The following SMPD3 variants were observed in gnomAD, a reference collection of about 807,000 sequenced individuals.
SMPD3 encodes sphingomyelin phosphodiesterase 3.
A neutral mutation model predicts 55.7 loss-of-function variants in SMPD3; 21 were observed. That is an observed-to-expected ratio of 0.38 (90% confidence interval 0.27 to 0.54). The LOEUF (loss-of-function observed/expected upper bound fraction) is 0.54, where lower values mean the gene tolerates loss of function less well. SMPD3 is among the 20% of genes least tolerant of loss of function. The pLI, the probability that SMPD3 is intolerant of heterozygous loss-of-function variation, is 0.80. For synonymous variants in SMPD3, 457 were observed against 404.3 expected, an observed-to-expected ratio of 1.13 and a Z score of -1.56; for missense variants, 842 against 899.6, an observed-to-expected ratio of 0.94 and a Z score of 0.82.
intron 1 of SMPD3, among the ~76,000 whole-genome samples, chr16:68,446,624 C>A (rs951332447): frequency 3.7e-4 from 56 of 152,308 alleles, no homozygotes; most frequent in Middle Eastern, 3.4e-3. Context: ...CTGACCCACA[C>A]CATCATCCAT....
At chr16:68,400,751 T>C (rs557911392) in intron 1 of SMPD3, among the ~76,000 whole-genome samples, 5 of 152,316 alleles carry the variant, frequency 3.3e-5, no homozygotes, top group African/African-American at 7.2e-5. Context: ...CCTAGACACC[T>C]GGAACACTGC....
chr16:68,411,206 A>G (rs909850497), intron 1 of SMPD3, among the ~76,000 whole-genome samples: 3 of 152,216 alleles, frequency 2.0e-5, no homozygotes, highest in African/African-American at 7.2e-5. Context: ...CCCCAACCTC[A>G]GGCCCAGGCC....
rs200106078 is a variant in SMPD3, at chr16:68,371,606, G to A, written c.576C>T (p.Gly192=). 4.7e-5 allele frequency: 73 copies of A among 1,566,484 alleles called. No homozygotes were observed. Among genetic ancestry groups the A allele is most frequent in the Non-Finnish European group, 5.1e-5 (59 of 1,157,334 alleles). The change falls in exon 3 of 9, where the codon GGC becomes GGT. Residue 192 remains glycine, a synonymous_variant. Transcript: ENST00000219334. The stretch of plus-strand genomic sequence containing the variant: ...GGACGGCCCGGGCCACCCCATCGCC[G>A]CCCTGTGGTGACACCAGGCTGCTGA... ...ASFSSLVSPQ[G]GDGVARAVPG...
At position 68,376,499 on chromosome 16, in the gene SMPD3, G is replaced by GT. The variant is rs2089819055; in HGVS notation, c.-206-4113dup. Among the ~76,000 whole-genome samples, 5 of 152,362 alleles carry GT rather than the reference G, an allele frequency of 3.3e-5. No homozygotes were observed. In the South Asian group the frequency reaches 1.0e-3, roughly 32 times the overall value. The stretch of plus-strand genomic sequence containing the variant: ...GACCCCCAAAGGCCTTGAGGGCTGA[G>GT]TTTTTGCAGCTCAACCTCAGACTGC... On this transcript the variant is annotated intron_variant, in intron 2 of 8. Coordinates refer to ENST00000219334, the MANE Select transcript of SMPD3 (RefSeq NM_018667.4).
rs977273929 is a variant in SMPD3, at chr16:68,440,126, A to G, written c.-269+8227T>C. Among the ~76,000 whole-genome samples the G allele has an allele frequency of 2.6e-5, 4 of 152,350 alleles. 1 individual carries two copies. The highest frequency in any genetic ancestry group is 2.6e-4 in the Admixed American group (4 of 15,302). On this transcript the variant is annotated intron_variant, in intron 1 of 8. Coordinates refer to ENST00000219334, the MANE Select transcript of SMPD3 (RefSeq NM_018667.4). Reference sequence around the variant, plus strand: ...TCCTTTCAATCTCCTCAGGCACTGAATAAGGATGGGGAATGACGCAGTAGA... The same window carrying G: ...TCCTTTCAATCTCCTCAGGCACTGAGTAAGGATGGGGAATGACGCAGTAGA...
rs949911940 is a variant in SMPD3, at chr16:68,448,484, C to T, written c.-400G>A. On this transcript the variant is annotated 5_prime_UTR_variant, in exon 1 of 9. Coordinates refer to ENST00000219334, the MANE Select transcript of SMPD3 (RefSeq NM_018667.4). ...GCGGCGGCTCTCGCGGCTCTCGGGT[C>T]CGGAGCCTCCCTCAGACTCAGCACC... 1 of 152,322 alleles carries T rather than the reference C, an allele frequency of 6.6e-6. No individual in the cohort carries two copies. 9.4% of individuals were successfully genotyped at this position (152,322 alleles called of 1,614,324 possible). A position where few individuals can be genotyped will look rare whatever the true frequency, so the allele number is the denominator to read the frequency against.
At chr16:68,430,264 T>C (rs2090469077) in intron 1 of SMPD3, among the ~76,000 whole-genome samples, 1 of 151,664 alleles carries the variant, frequency 6.6e-6, no homozygotes, top group Admixed American at 6.6e-5. Context: ...TAATAATGCA[T>C]AGGATAACAC....
rs779632111 is a variant in SMPD3 at position 68,371,553 on chromosome 16, A to G, written c.629T>C (p.Val210Ala). 5 of 1,597,268 alleles carry G rather than the reference A, an allele frequency of 3.1e-6. No homozygotes were observed. The East Asian group carries it at 1.1e-4, about 36-fold the overall frequency. ...VPGSIKRTAS[V>A]EYKGDGGRHP... is the part of the protein sequence containing the mutation. ...CCGCCCACCGTCACCCTTGTACTCC[A>G]CAGAGGCTGTCCTCTTAATGCTCCC... Residue 210 changes from valine to alanine, a missense_variant, in exon 3 of 9, where the codon GTG (valine) becomes GCG (alanine). By Grantham distance (64) the Val-to-Ala change is moderately conservative. This residue lies in a region of SMPD3 where 649 missense variants were observed against 643.6 expected (regional missense o/e 1.01). Transcript: ENST00000219334.
chr16:68,401,436 T>C (rs2090204503), intron 1 of SMPD3, among the ~76,000 whole-genome samples: 1 of 150,276 alleles, frequency 6.7e-6, no homozygotes, highest in Admixed American at 6.6e-5. Context: ...GGGTTGGAAG[T>C]GGAATTGGGG....
At chr16:68,369,217 C>CAAA (rs10664208) in intron 3 of SMPD3, 59,911 of 115,216 alleles carry the variant, frequency 0.52, 15,746 homozygotes, top group East Asian at 0.76. Context: ...AACTCCGTCT[C>CAAA]AAAAAAAAAA....
intron 1 of SMPD3, among the ~76,000 whole-genome samples, chr16:68,393,063 A>C (rs1039537240): frequency 6.6e-6 from 1 of 152,150 alleles, no homozygotes. Flanking sequence ...TAGCCCAAAC[A>C]GACTTATACA....
chr16:68,365,003 G>A lies in SMPD3; in HGVS notation c.1399+14C>T, dbSNP rs757036244. The A allele has an allele frequency of 6.2e-6, 10 of 1,613,972 alleles. No individual in the cohort carries two copies. In the Admixed American group the frequency reaches 1.7e-4, roughly 27 times the overall value. On this transcript the variant is annotated intron_variant, in intron 4 of 8. Coordinates refer to ENST00000219334, the MANE Select transcript of SMPD3 (RefSeq NM_018667.4). Reference sequence around the variant, plus strand: ...CCCATGCCTAGAAAAAACACAGGTGGGCGGCAACCCTACCTTGCGGGGCAT... The same window carrying A: ...CCCATGCCTAGAAAAAACACAGGTGAGCGGCAACCCTACCTTGCGGGGCAT...
At chr16:68,427,191 C>T (rs2090442834) in intron 1 of SMPD3, among the ~76,000 whole-genome samples, 1 of 151,968 alleles carries the variant, frequency 6.6e-6, no homozygotes, top group African/African-American at 2.4e-5. Flanking sequence ...ACAAAAGAGA[C>T]AGGGTTTCAC....
intron 3 of SMPD3, 25 bp from the exon 4 acceptor site, chr16:68,365,117 G>C (rs776706203): frequency 6.2e-7 from 1 of 1,611,876 alleles, no homozygotes; most frequent in Admixed American, 1.7e-5. Context: ...GGTCAGTGCT[G>C]CCACCTGCCA....
intron 1 of SMPD3, among the ~76,000 whole-genome samples, chr16:68,421,127 T>C (rs999386164): frequency 6.6e-6 from 1 of 152,214 alleles, no homozygotes; most frequent in Admixed American, 6.5e-5. Flanking sequence ...CTGGCCCACC[T>C]GGGTTCACAG....
Position 68,371,006 on chromosome 16 carries a change from G to A in SMPD3, c.1176C>T (p.Tyr392=), listed in dbSNP as rs373895567. 1.9e-5 allele frequency: 30 copies of A among 1,614,146 alleles called. No homozygotes were observed. The highest frequency in any genetic ancestry group is 1.7e-4 in the Admixed American group (10 of 60,028). ...FEYILYDVGV[Y]GCQGCCSFKC... ...TGAAGCTGCAGCAGCCCTGGCAGCC[G>A]TAGACCCCGACGTCGTACAGGATGT... Residue 392 remains tyrosine, a synonymous_variant, in exon 3 of 9, where the codon TAC becomes TAT. Coordinates refer to ENST00000219334, the MANE Select transcript of SMPD3 (RefSeq NM_018667.4).
chr16:68,396,470 CTGT>C (rs2090158269), intron 1 of SMPD3, among the ~76,000 whole-genome samples: 2 of 152,214 alleles, frequency 1.3e-5, no homozygotes, highest in Non-Finnish European at 2.9e-5. Context: ...TTTGCACATG[CTGT>C]ACCCTGTGTC....
chr16:68,361,129 CA>C lies in SMPD3; in HGVS notation c.*76del, dbSNP rs1327924816. On this transcript the variant is annotated 3_prime_UTR_variant, in exon 9 of 9. Transcript: ENST00000219334. ...CTGCCCTCCTCCCCCAAGCACCGGG[CA>C]CTCGATGGAGGGGACATGGCCCAGG... 168 of 1,338,704 alleles carry C rather than the reference CA, an allele frequency of 1.3e-4. No individual in the cohort carries two copies. Among genetic ancestry groups the C allele is most frequent in the Non-Finnish European group, 1.7e-4 (164 of 955,114 alleles). The allele number at this position is 1,338,704 out of a possible 1,614,324, so 82.9% of individuals were successfully genotyped here.
At chr16:68,398,658 C>T (rs1288315142) in intron 1 of SMPD3, among the ~76,000 whole-genome samples, 4 of 152,218 alleles carry the variant, frequency 2.6e-5, no homozygotes, top group African/African-American at 9.6e-5. Context: ...TGTTTCCTTT[C>T]CTCAGTTCAA....
Sources: gnomAD v4.1 joint callset for allele counts (sites outside exome capture counted in the v4.1 genomes callset) on GRCh38, gnomAD v4.1.1 for gene constraint, gnomAD v4.1.1 regional missense constraint, MANE v1.5 for transcripts, NCBI Gene and HGNC (gene_info 2026-07-23, HGNC 2026-07-21) for gene names.